The following DIAPH1 variants were observed in gnomAD, a reference collection of about 807,000 sequenced individuals.
DIAPH1 encodes diaphanous related formin 1.
In DIAPH1, 46 loss-of-function variants were observed where a neutral mutation model predicts 140.7. That is an observed-to-expected ratio of 0.33 (90% CI 0.26 to 0.42). The LOEUF (loss-of-function observed/expected upper bound fraction) is 0.42, where lower values mean the gene tolerates loss of function less well. DIAPH1 is among the 10% of genes least tolerant of loss of function. The pLI is 1.00. For synonymous variants in DIAPH1, 565 were observed against 551.6 expected (o/e 1.02, Z -0.34); for missense variants, 1,310 against 1,558.7 (o/e 0.84, Z 2.69).
chr5:141,547,971 G>A (rs1034990636), intron 18 of DIAPH1, among the ~76,000 whole-genome samples: 12 of 152,272 alleles, frequency 7.9e-5, no homozygotes, highest in African/African-American at 1.2e-4. Flanking sequence ...GCTAATGTGC[G>A]TGGATTCCTT....
intron 12 of DIAPH1, 118 bp from the exon 13 acceptor site, chr5:141,576,989 A>G (rs1381074489): frequency 5.6e-6 from 4 of 718,840 alleles, no homozygotes; most frequent in African/African-American, 1.8e-5. Context: ...AAACTTTTGT[A>G]AAGTTAACAC....
At chr5:141,579,277 A>C (rs1022324466) in intron 8 of DIAPH1, 81 bp from the exon 9 acceptor site, 5 of 999,398 alleles carry the variant, frequency 5.0e-6, no homozygotes, top group South Asian at 3.8e-5. Flanking sequence ...ACACAGGGGC[A>C]CAGACCGATT....
intron 20 of DIAPH1, among the ~76,000 whole-genome samples, 160 bp downstream of exon 20, chr5:141,529,443 T>C (rs905199351): frequency 3.3e-5 from 5 of 152,156 alleles, no homozygotes; most frequent in African/African-American, 1.2e-4. Flanking sequence ...TTGCAAAATA[T>C]ACCAGAAGTA....
At chr5:141,555,375 T>G (rs1421478463) in intron 18 of DIAPH1, among the ~76,000 whole-genome samples, 1 of 152,138 alleles carries the variant, frequency 6.6e-6, no homozygotes, top group Non-Finnish European at 1.5e-5. Flanking sequence ...TGACGGTGGG[T>G]TAGGAAGAAC....
chr5:141,588,414 T>C (rs1364868825), intron 1 of DIAPH1, among the ~76,000 whole-genome samples, 164 bp from the exon 2 acceptor site: 1 of 151,010 alleles, frequency 6.6e-6, no homozygotes. Context: ...CCTTAGCACA[T>C]TCCCTCAAGT....
At chr5:141,611,668 A>G (rs1230471636) in intron 1 of DIAPH1, among the ~76,000 whole-genome samples, 1 of 152,136 alleles carries the variant, frequency 6.6e-6, no homozygotes, top group African/African-American at 2.4e-5. Context: ...CGGACGATAC[A>G]TAGATAGCAA....
intron 18 of DIAPH1, among the ~76,000 whole-genome samples, chr5:141,568,430 A>T (rs1006519868): frequency 4.6e-5 from 7 of 152,360 alleles, no homozygotes; most frequent in African/African-American, 1.7e-4. Flanking sequence ...CTGCCTATCA[A>T]AAGTAAATTC....
intron 1 of DIAPH1, among the ~76,000 whole-genome samples, chr5:141,605,805 C>A (rs1050502569): frequency 6.6e-6 from 1 of 152,132 alleles, no homozygotes; most frequent in Admixed American, 6.5e-5. Context: ...CTGCTGCTTG[C>A]CTGATAATAC....
intron 1 of DIAPH1, among the ~76,000 whole-genome samples, chr5:141,590,907 CA>C (rs1195594207): frequency 1.3e-5 from 2 of 152,154 alleles, no homozygotes; most frequent in East Asian, 3.8e-4. Context: ...TCCCTGCCTT[CA>C]GTCCCATCTG....
intron 14 of DIAPH1, among the ~76,000 whole-genome samples, chr5:141,575,951 C>A (rs11953830): frequency 6.6e-6 from 1 of 152,160 alleles, no homozygotes; most frequent in Non-Finnish European, 1.5e-5. Flanking sequence ...CCAAGCAAAC[C>A]TGAGAGTGCC....
intron 18 of DIAPH1, among the ~76,000 whole-genome samples, chr5:141,547,367 A>C (rs2099890960): frequency 1.3e-5 from 2 of 152,190 alleles, no homozygotes; most frequent in Admixed American, 1.3e-4. Flanking sequence ...CGGGAGGCTG[A>C]GGCAGGAGAA....
chr5:141,585,140 A>T (rs1052026329), intron 3 of DIAPH1, among the ~76,000 whole-genome samples: 3 of 152,084 alleles, frequency 2.0e-5, no homozygotes, highest in African/African-American at 7.2e-5. Flanking sequence ...TATTTTTAGT[A>T]GAGACGGGGT....
At chr5:141,537,424 G>A (rs545191494) in intron 18 of DIAPH1, among the ~76,000 whole-genome samples, 1 of 147,992 alleles carries the variant, frequency 6.8e-6, no homozygotes, top group African/African-American at 2.5e-5. Flanking sequence ...CAGAGGTTGT[G>A]GTGAGCTGAG....
intron 18 of DIAPH1, among the ~76,000 whole-genome samples, chr5:141,549,658 G>A (rs2099891392): frequency 6.6e-6 from 1 of 151,704 alleles, no homozygotes. Context: ...AAATTTCAAA[G>A]GATAGAAATA....
Position 141,528,194 on chromosome 5 carries a change from C to T in DIAPH1, c.3148+259G>A, listed in dbSNP as rs2099887683. On this transcript the variant is annotated intron_variant, in intron 23 of 27. Transcript: ENST00000389054. ...TAATGAAAAGAACTATTAACCTAGA[C>T]TAAAAACACCTGCCTTTCTAGCTGT... 2.0e-5 allele frequency among the ~76,000 whole-genome samples: 3 copies of T among 152,270 alleles called. No individual in the cohort carries two copies. In the South Asian group the frequency reaches 6.2e-4, roughly 32 times the overall value.
intron 1 of DIAPH1, among the ~76,000 whole-genome samples, chr5:141,593,441 C>T (rs1002014166): frequency 3.3e-5 from 5 of 152,154 alleles, no homozygotes; most frequent in African/African-American, 1.2e-4. Flanking sequence ...CACTTTTCCC[C>T]CTCTAGTCTC....
chr5:141,584,344 A>T, intron 3 of DIAPH1, 119 bp from the exon 4 acceptor site: 1 of 667,074 alleles, frequency 1.5e-6, no homozygotes, highest in Non-Finnish European at 2.7e-6. Flanking sequence ...TAAGTAAATA[A>T]ATCTTTTTGA....
intron 19 of DIAPH1, among the ~76,000 whole-genome samples, chr5:141,530,895 T>C (rs1418417756): frequency 6.6e-6 from 1 of 152,198 alleles, no homozygotes; most frequent in Admixed American, 6.5e-5. Flanking sequence ...CATGTACTCA[T>C]CCTTTCCTCA....
rs778183703 is a variant in DIAPH1, at chr5:141,573,481, GA to G, written c.2358+10del. The G allele has an allele frequency of 6.8e-7, 1 of 1,461,042 alleles. No individual in the cohort carries two copies. The highest frequency in any genetic ancestry group is 1.4e-5 in the African/African-American group (1 of 70,094). 90.5% of individuals were successfully genotyped at this position (1,461,042 alleles called of 1,614,324 possible). On this transcript the variant is annotated intron_variant, in intron 16 of 27. Coordinates refer to ENST00000389054, the MANE Select transcript of DIAPH1 (RefSeq NM_005219.5). ...AGATTGACTGGTGAAGAAATAGACA[GA>G]AACTCTTACCTTGGACCAGTTTGGC...
Sources: allele counts gnomAD v4.1 joint callset (sites outside exome capture counted in the v4.1 genomes callset), GRCh38; gene constraint gnomAD v4.1.1; transcripts MANE v1.5; gene names NCBI Gene and HGNC (gene_info 2026-07-23, HGNC 2026-07-21).